The following CLEC2D variants were observed in gnomAD, a reference collection of about 807,000 sequenced individuals.
CLEC2D encodes C-type lectin related f.
Under a neutral mutation model 20.0 loss-of-function variants are expected in CLEC2D, and 16 were observed. That is an observed-to-expected ratio of 0.80 (90% CI 0.54 to 1.22). CLEC2D has a LOEUF of 1.22. CLEC2D is among the 50% of genes most tolerant of loss of function. The probability of loss-of-function intolerance (pLI) is 0.00; values close to 1 mark genes in which losing one functional copy is unlikely to be tolerated. For synonymous variants in CLEC2D, 77 were observed against 71.1 expected (o/e 1.08, Z -0.42); for missense variants, 207 against 221.5 (o/e 0.93, Z 0.42).
At chr12:9,675,441 G>A (rs1159448405) in intron 1 of CLEC2D, among the ~76,000 whole-genome samples, 2 of 152,082 alleles carry the variant, frequency 1.3e-5, no homozygotes, top group South Asian at 2.1e-4. Context: ...TGATCCACCT[G>A]CCTTGGCCTC....
At chr12:9,684,628 G>A (rs7307439) in intron 2 of CLEC2D, among the ~76,000 whole-genome samples, 146,639 of 152,254 alleles carry the variant, frequency 0.96, 70,719 homozygotes, top group East Asian at 1. Context: ...TTCTGCATCT[G>A]TTGAGATCAT....
At chr12:9,671,623 A>T (rs1383617537) in intron 1 of CLEC2D, among the ~76,000 whole-genome samples, 2 of 152,170 alleles carry the variant, frequency 1.3e-5, no homozygotes, top group Admixed American at 1.3e-4. Context: ...TGTAGACAAG[A>T]GGGGGAGAAA....
In CLEC2D at chr12:9,680,905, T is replaced by G. The variant is rs1299228635; in HGVS notation, c.62-18T>G. The G allele has an allele frequency of 1.6e-6, 2 of 1,225,266 alleles. No individual in the cohort carries two copies. The highest frequency in any genetic ancestry group is 2.4e-6 in the Non-Finnish European group (2 of 831,894). The allele number at this position is 1,225,266 out of a possible 1,614,324, so 75.9% of individuals were successfully genotyped here. On this transcript the variant is annotated intron_variant, in intron 1 of 4. Coordinates refer to ENST00000290855, the MANE Select transcript of CLEC2D (RefSeq NM_013269.6). The stretch of plus-strand genomic sequence containing the variant: ...TCTGTATTTAATTGTTAAAATGTTT[T>G]TCAATAATTTTTTCCAGGTTGTCTG...
At chr12:9,670,009 A>G (rs1865376602) in intron 1 of CLEC2D, among the ~76,000 whole-genome samples, 1 of 147,210 alleles carries the variant, frequency 6.8e-6, no homozygotes, top group South Asian at 2.2e-4. Context: ...ACAATGAGAG[A>G]AAGATGTAAG....
At chr12:9,683,797 C>CA (rs1865695165) in intron 2 of CLEC2D, among the ~76,000 whole-genome samples, 1 of 151,920 alleles carries the variant, frequency 6.6e-6, no homozygotes, top group Non-Finnish European at 1.5e-5. Flanking sequence ...AATTTGAAGT[C>CA]AGGTAGCATG....
intron 2 of CLEC2D, among the ~76,000 whole-genome samples, chr12:9,683,165 A>C (rs1028580707): frequency 6.6e-6 from 1 of 151,958 alleles, no homozygotes; most frequent in African/African-American, 2.4e-5. Flanking sequence ...GTGTCTGTTC[A>C]TATCTTTTGC....
Position 9,688,101 on chromosome 12 carries a change from C to A in CLEC2D, c.357+15C>A, listed in dbSNP as rs775194692. 1 of 1,553,614 alleles carries A rather than the reference C, an allele frequency of 6.4e-7. No individual in the cohort carries two copies. The highest frequency in any genetic ancestry group is 8.7e-7 in the Non-Finnish European group (1 of 1,148,656). On this transcript the variant is annotated intron_variant, in intron 3 of 4. Coordinates refer to ENST00000290855, the MANE Select transcript of CLEC2D (RefSeq NM_013269.6). Reference sequence around the variant, plus strand: ...TCCAGGAACTGGTAAGAAAATAGTTCTGGCCAGAATCAAAGATTCAGCCCT... The same window carrying A: ...TCCAGGAACTGGTAAGAAAATAGTTATGGCCAGAATCAAAGATTCAGCCCT...
chr12:9,687,357 A>T (rs1458428602), intron 2 of CLEC2D, among the ~76,000 whole-genome samples: 1 of 152,198 alleles, frequency 6.6e-6, no homozygotes, highest in Non-Finnish European at 1.5e-5. Flanking sequence ...ATCTAATGCC[A>T]CTGCTGATCT....
At chr12:9,686,824 C>T (rs980104557) in intron 2 of CLEC2D, among the ~76,000 whole-genome samples, 6 of 152,198 alleles carry the variant, frequency 3.9e-5, no homozygotes, top group Non-Finnish European at 8.8e-5. Flanking sequence ...GTATTGCTGC[C>T]TTCAAAGTGT....
chr12:9,687,981 A>G lies in CLEC2D; in HGVS notation c.252A>G (p.Arg84=), dbSNP rs775315833. 1 of 1,612,848 alleles carries G rather than the reference A, an allele frequency of 6.2e-7. No individual in the cohort carries two copies. Among genetic ancestry groups the G allele is most frequent in the Non-Finnish European group, 8.5e-7 (1 of 1,179,424 alleles). Reference sequence around the variant, plus strand: ...CAGAAAGCTGGATTGGTTTTCAAAGAAAGTGTTTCTATTTTTCTGATGACA... The same window carrying G: ...CAGAAAGCTGGATTGGTTTTCAAAGGAAGTGTTTCTATTTTTCTGATGACA... The part of the protein sequence containing the change: ...ACPESWIGFQ[R]KCFYFSDDTK... The change falls in exon 3 of 5, where the codon AGA becomes AGG. Residue 84 remains arginine, a synonymous_variant. Coordinates refer to ENST00000290855, the MANE Select transcript of CLEC2D (RefSeq NM_013269.6).
chr12:9,690,325 T>C (rs1865836835), intron 3 of CLEC2D, among the ~76,000 whole-genome samples: 1 of 152,066 alleles, frequency 6.6e-6, no homozygotes, highest in Non-Finnish European at 1.5e-5. Flanking sequence ...AATTAAGGGA[T>C]TTTATTACCA....
chr12:9,677,344 C>G (rs1865538849), intron 1 of CLEC2D, among the ~76,000 whole-genome samples: 1 of 152,010 alleles, frequency 6.6e-6, no homozygotes, highest in South Asian at 2.1e-4. Flanking sequence ...TTTAAAACTT[C>G]TATTGTGATT....
intron 1 of CLEC2D, among the ~76,000 whole-genome samples, chr12:9,672,940 G>T (rs1253216078): frequency 6.6e-6 from 1 of 152,008 alleles, no homozygotes; most frequent in Non-Finnish European, 1.5e-5. Context: ...CTCTGAACTG[G>T]TTATTCTGGT....
chr12:9,670,684 G>A (rs1035350123), intron 1 of CLEC2D, among the ~76,000 whole-genome samples: 3 of 152,180 alleles, frequency 2.0e-5, no homozygotes, highest in African/African-American at 7.2e-5. Context: ...TAGTTAGACT[G>A]GATCTTATTT....
At chr12:9,689,877 G>C (rs984953462) in intron 3 of CLEC2D, among the ~76,000 whole-genome samples, 2 of 152,028 alleles carry the variant, frequency 1.3e-5, no homozygotes, top group Admixed American at 6.6e-5. Context: ...TAGGACATCA[G>C]CAAACATACT....
chr12:9,688,561 A>G (rs772771056), intron 3 of CLEC2D, among the ~76,000 whole-genome samples: 6 of 152,286 alleles, frequency 3.9e-5, no homozygotes, highest in Admixed American at 3.9e-4. Context: ...CAACTAAAAA[A>G]TACAAAAATT....
chr12:9,691,609 G>T (rs1250264118), intron 3 of CLEC2D, among the ~76,000 whole-genome samples: 2 of 152,140 alleles, frequency 1.3e-5, no homozygotes, highest in Non-Finnish European at 2.9e-5. Flanking sequence ...AGAAAAACCA[G>T]AAAAGTCACG....
Position 9,687,966 on chromosome 12 carries a change from G to C in CLEC2D, c.237G>C (p.Trp79Cys). The C allele has an allele frequency of 6.2e-7, 1 of 1,612,438 alleles. No individual in the cohort carries two copies. Among genetic ancestry groups the C allele is most frequent in the Non-Finnish European group, 8.5e-7 (1 of 1,179,208 alleles). ...VCLQAACPES[W>C]IGFQRKCFYF... is the part of the protein sequence containing the mutation. ...TTCAAGCTGCATGCCCAGAAAGCTG[G>C]ATTGGTTTTCAAAGAAAGTGTTTCT... Residue 79 changes from tryptophan to cysteine, a missense_variant, in exon 3 of 5, where the codon TGG becomes TGC. By Grantham distance (215) the Trp-to-Cys change is radical. Transcript: ENST00000290855.
chr12:9,676,893 T>C (rs187468716), intron 1 of CLEC2D, among the ~76,000 whole-genome samples: 2 of 152,312 alleles, frequency 1.3e-5, no homozygotes, highest in Non-Finnish European at 2.9e-5. Context: ...ACAAATTATG[T>C]CTCTCAAGTG....
Sources: gnomAD v4.1 joint callset for allele counts (sites outside exome capture counted in the v4.1 genomes callset) on GRCh38, gnomAD v4.1.1 for gene constraint, MANE v1.5 for transcripts, NCBI Gene and HGNC (gene_info 2026-07-23, HGNC 2026-07-21) for gene names.